Variants in SLC5A5 observed in about 807,000 individuals in gnomAD.
The protein encoded by SLC5A5 is solute carrier family 5 member 5.
SLC5A5 carries 56 observed loss-of-function variants against 68.6 expected under a neutral mutation model. The observed-to-expected ratio is 0.82, with a 90% CI of 0.66 to 1.02. The LOEUF (loss-of-function observed/expected upper bound fraction) is 1.02, where lower values mean the gene tolerates loss of function less well. SLC5A5 is among the 50% of genes least tolerant of loss of function. SLC5A5 has a pLI of 0.00. For missense variants in SLC5A5, 807 were observed against 859.8 expected (o/e 0.94, Z 0.77); for synonymous variants, 398 against 373.0 (o/e 1.07, Z -0.77).
At chr19:17,893,078 TG>T (rs200710870) in intron 14 of SLC5A5, among the ~76,000 whole-genome samples, 13 of 148,260 alleles carry the variant, frequency 8.8e-5, no homozygotes, top group African/African-American at 2.7e-4. Flanking sequence ...TTTATTTGTG[TG>T]TTTTTTTTCT....
chr19:17,876,488 G>T (rs2147732864), intron 5 of SLC5A5, among the ~76,000 whole-genome samples: 1 of 152,132 alleles, frequency 6.6e-6, no homozygotes, highest in African/African-American at 2.4e-5. Flanking sequence ...AGCACTTTGG[G>T]AGGCCAAGGC....
At chr19:17,873,542 G>T (rs559581212) in intron 1 of SLC5A5, among the ~76,000 whole-genome samples, 21 of 152,052 alleles carry the variant, frequency 1.4e-4, no homozygotes, top group Non-Finnish European at 2.8e-4. Flanking sequence ...TGGATCACGA[G>T]GTCAGGAGTT....
chr19:17,891,153 A>G, intron 14 of SLC5A5, 152 bp downstream of exon 14: 1 of 702,158 alleles, frequency 1.4e-6, no homozygotes, highest in Non-Finnish European at 2.6e-6. Flanking sequence ...ATTCATCCTC[A>G]ACAGTTTTTA....
chr19:17,891,473 TG>T (rs753155791), intron 14 of SLC5A5, among the ~76,000 whole-genome samples: 16 of 152,182 alleles, frequency 1.1e-4, no homozygotes, highest in Non-Finnish European at 2.1e-4. Context: ...CCCAAAGTGC[TG>T]GGATGACAGG....
chr19:17,891,124 A>G (rs2030152467), intron 14 of SLC5A5, 123 bp downstream of exon 14: 2 of 734,832 alleles, frequency 2.7e-6, no homozygotes, highest in South Asian at 2.9e-5. Context: ...CTCCAGTCAA[A>G]AGACTCTATT....
intron 4 of SLC5A5, 41 bp downstream of exon 4, chr19:17,874,772 C>T: frequency 2.5e-6 from 4 of 1,586,950 alleles, no homozygotes; most frequent in South Asian, 2.2e-5. Context: ...GGGGATCGGG[C>T]CCACTGTGTC....
rs761255218 is a variant in SLC5A5, at chr19:17,883,957, G to T, written c.1437G>T (p.Ser479=). ...SEQTMRVLPS[S]AARCVALSVN... ...AGACCATGAGGGTCCTGCCATCGTCGGCTGCCCGCTGCGTGGCTCTCTCAG... is the reference window on the plus strand; with the variant it reads ...AGACCATGAGGGTCCTGCCATCGTCTGCTGCCCGCTGCGTGGCTCTCTCAG... The change falls in exon 12 of 15, where the codon TCG becomes TCT. Residue 479 remains serine, a synonymous_variant. Coordinates refer to ENST00000222248, the MANE Select transcript of SLC5A5 (RefSeq NM_000453.3). 5 of 1,563,974 alleles carry T rather than the reference G, an allele frequency of 3.2e-6. No individual in the cohort carries two copies. Among genetic ancestry groups the T allele is most frequent in the Non-Finnish European group, 4.3e-6 (5 of 1,155,792 alleles).
intron 5 of SLC5A5, among the ~76,000 whole-genome samples, chr19:17,877,280 T>C (rs78902574): frequency 0.22 from 32,837 of 151,846 alleles, 3,719 homozygotes; most frequent in African/African-American, 0.25. Context: ...TCAAACCCAC[T>C]CCATTTATTA....
chr19:17,887,400 T>G (rs764944665), intron 12 of SLC5A5, among the ~76,000 whole-genome samples: 1 of 151,868 alleles, frequency 6.6e-6, no homozygotes, highest in Non-Finnish European at 1.5e-5. Context: ...GTTCAAGGGA[T>G]TCTCCCACCT....
intron 10 of SLC5A5, among the ~76,000 whole-genome samples, chr19:17,883,053 C>A (rs111857630): frequency 0.15 from 22,848 of 151,898 alleles, 2,101 homozygotes; most frequent in Non-Finnish European, 0.2. Flanking sequence ...CTCCTGACCT[C>A]AAGTGATCCA....
At chr19:17,887,006 G>A (rs1269882424) in intron 12 of SLC5A5, among the ~76,000 whole-genome samples, 2 of 152,028 alleles carry the variant, frequency 1.3e-5, no homozygotes, top group African/African-American at 2.4e-5. Context: ...AGCCTGGGGG[G>A]CCAAGGCTGC....
chr19:17,881,834 C>G (rs1474568848), intron 8 of SLC5A5, 126 bp from the exon 9 acceptor site: 1 of 739,356 alleles, frequency 1.4e-6, no homozygotes, highest in African/African-American at 1.7e-5. Flanking sequence ...GCAAATATCT[C>G]CTTCACCTTT....
At chr19:17,876,858 C>A (rs960792001) in intron 5 of SLC5A5, among the ~76,000 whole-genome samples, 3 of 149,412 alleles carry the variant, frequency 2.0e-5, no homozygotes, top group Admixed American at 6.7e-5. Context: ...GAGACTCCGT[C>A]CCCCCCCTAA....
Position 17,882,204 on chromosome 19 carries a change from A to G in SLC5A5, c.1227A>G (p.Gly409=). 6.2e-7 allele frequency: 1 copy of G among 1,613,732 alleles called. No homozygotes were observed. Among genetic ancestry groups the G allele is most frequent in the Non-Finnish European group, 8.5e-7 (1 of 1,179,934 alleles). The change falls in exon 10 of 15, where the codon GGA becomes GGG. Residue 409 remains glycine, a synonymous_variant. Coordinates refer to ENST00000222248, the MANE Select transcript of SLC5A5 (RefSeq NM_000453.3). ...TGGCAGCCCTGTCCTCACTGCTCGG[A>G]GGAGGTGTCCTTCAGGTGAGACCCC... The part of the protein sequence containing the change: ...LTVAALSSLL[G]GGVLQGSFTV...
At chr19:17,874,808 C>A (rs982200982) in intron 4 of SLC5A5, 77 bp downstream of exon 4, 1 of 1,417,388 alleles carries the variant, frequency 7.1e-7, no homozygotes, top group Non-Finnish European at 9.9e-7. Flanking sequence ...CTGGGCTTGC[C>A]CCTTTCTCCT....
rs779726674 is a variant in SLC5A5 at position 17,883,907 on chromosome 19, G to A, written c.1387G>A (p.Ala463Thr). 7.7e-6 allele frequency: 12 copies of A among 1,568,146 alleles called. No homozygotes were observed. Among genetic ancestry groups the A allele is most frequent in the African/African-American group, 1.4e-5 (1 of 73,816 alleles). ...GCTGTCGCTGTGGGTGGCCTTGGGC[G>A]CCACGCTGTACCCACCCAGCGAGCA... ...LALSLWVALG[A>T]TLYPPSEQTM... The change falls in exon 12 of 15, where the codon GCC (alanine) becomes ACC (threonine). Residue 463 changes from alanine (A) to threonine (T), a missense_variant. Transcript: ENST00000222248.
chr19:17,881,756 C>T (rs1029976667), intron 8 of SLC5A5, among the ~76,000 whole-genome samples: 1 of 152,194 alleles, frequency 6.6e-6, no homozygotes, highest in African/African-American at 2.4e-5. Context: ...CCTGTCTGTC[C>T]CACCTGCCCT....
intron 7 of SLC5A5, among the ~76,000 whole-genome samples, chr19:17,880,415 A>C (rs571686320): frequency 6.6e-6 from 1 of 152,106 alleles, no homozygotes; most frequent in Admixed American, 6.6e-5. Context: ...AGGTTTCACC[A>C]TGTTGGCCAG....
At position 17,882,239 on chromosome 19, in the gene SLC5A5, C is replaced by A; in HGVS notation, c.1242+20C>A. The A allele has an allele frequency of 1.2e-6, 2 of 1,602,988 alleles. No homozygotes were observed. The highest frequency in any genetic ancestry group is 1.7e-6 in the Non-Finnish European group (2 of 1,171,268). ...CTTCAGGTGAGACCCCACCTGCCCC[C>A]TGCCCTGGTCTCCTGAGAGGTGGGG... On this transcript the variant is annotated intron_variant, in intron 10 of 14. Coordinates refer to ENST00000222248, the MANE Select transcript of SLC5A5 (RefSeq NM_000453.3).
Sources: gnomAD v4.1 joint callset for allele counts (sites outside exome capture counted in the v4.1 genomes callset) on GRCh38, gnomAD v4.1.1 for gene constraint, MANE v1.5 for transcripts, NCBI Gene and HGNC (gene_info 2026-07-23, HGNC 2026-07-21) for gene names.